Variants in DROSHA observed in about 807,000 individuals in gnomAD.
DROSHA encodes drosha ribonuclease III, also known as ribonuclease 3.
Under a neutral mutation model 181.9 loss-of-function variants are expected in DROSHA, and 56 were observed. That is an observed-to-expected ratio of 0.31 (90% confidence interval 0.25 to 0.38). The LOEUF (loss-of-function observed/expected upper bound fraction) is 0.38. DROSHA is among the 10% of genes least tolerant of loss of function. The probability of loss-of-function intolerance (pLI) is 1.00; values close to 1 mark genes in which losing one functional copy is unlikely to be tolerated. For missense variants in DROSHA, 1,218 were observed against 1,743.5 expected (o/e 0.70, Z 5.37); for synonymous variants, 524 against 591.2 (o/e 0.89, Z 1.65).
chr5:31,402,408 CA>C (rs1256068333), intron 35 of DROSHA, among the ~76,000 whole-genome samples: 1 of 143,260 alleles, frequency 7.0e-6, no homozygotes, highest in Non-Finnish European at 1.5e-5. Flanking sequence ...AGAGAAGGCA[CA>C]GCATACAATC....
At chr5:31,515,386 A>G in intron 7 of DROSHA, 68 bp downstream of exon 7, 1 of 1,024,648 alleles carries the variant, frequency 9.8e-7, no homozygotes, top group Non-Finnish European at 1.4e-6. Flanking sequence ...GTCTGGTGGC[A>G]TCAGAATCAC....
In DROSHA at chr5:31,401,251, C is replaced by T; in HGVS notation, c.*181G>A. ...CGTTAAATAGAAGAAAAATCTAATA[C>T]TTTGTAATAAAGACCATCCAGCTAA... On this transcript the variant is annotated 3_prime_UTR_variant, in exon 36 of 36. Coordinates refer to ENST00000344624, the MANE Select transcript of DROSHA (RefSeq NM_001382508.1). 1 of 799,994 alleles carries T rather than the reference C, an allele frequency of 1.3e-6. No individual in the cohort carries two copies. The highest frequency in any genetic ancestry group is 1.7e-5 in the African/African-American group (1 of 57,758). The allele number at this position is 799,994 out of a possible 1,614,324, so 49.6% of individuals were successfully genotyped here.
chr5:31,486,759 C>T (rs77535143), intron 13 of DROSHA, 197 bp from the exon 14 acceptor site: 5,040 of 490,822 alleles, frequency 0.01, 201 homozygotes, highest in African/African-American at 0.088. Context: ...GGCCTGGCCT[C>T]GCCAAGAAAC....
At chr5:31,488,085 A>G (rs755955087) in intron 13 of DROSHA, among the ~76,000 whole-genome samples, 110 of 152,294 alleles carry the variant, frequency 7.2e-4, no homozygotes, top group Non-Finnish European at 9.8e-4. Flanking sequence ...ATAAAGTATA[A>G]AAGAACCAAA....
At chr5:31,523,534 G>A (rs906105107) in intron 5 of DROSHA, among the ~76,000 whole-genome samples, 5 of 152,060 alleles carry the variant, frequency 3.3e-5, no homozygotes, top group Admixed American at 1.3e-4. Flanking sequence ...AAACAGAGGC[G>A]GAAATACAAC....
chr5:31,412,835 G>A (rs1213112160), intron 30 of DROSHA, among the ~76,000 whole-genome samples: 1 of 152,172 alleles, frequency 6.6e-6, no homozygotes, highest in African/African-American at 2.4e-5. Context: ...TAATTGAGCT[G>A]AAAGTGATAT....
chr5:31,438,567 G>A (rs1745168588), intron 23 of DROSHA, among the ~76,000 whole-genome samples: 1 of 152,062 alleles, frequency 6.6e-6, no homozygotes, highest in African/African-American at 2.4e-5. Flanking sequence ...GGACCAAAAG[G>A]AAAGCAGGTT....
At chr5:31,504,460 T>G in intron 11 of DROSHA, 95 bp downstream of exon 11, 1 of 1,311,902 alleles carries the variant, frequency 7.6e-7, no homozygotes, top group South Asian at 1.3e-5. Flanking sequence ...AGAATTTTGA[T>G]GGTATTATTT....
intron 16 of DROSHA, among the ~76,000 whole-genome samples, chr5:31,482,493 T>G (rs1279827067): frequency 6.6e-6 from 1 of 152,022 alleles, no homozygotes; most frequent in Non-Finnish European, 1.5e-5. Flanking sequence ...GATAATGGAG[T>G]CAAATTCTAG....
intron 24 of DROSHA, 81 bp from the exon 25 acceptor site, chr5:31,435,945 G>T (rs934739802): frequency 7.8e-7 from 1 of 1,286,314 alleles, no homozygotes; most frequent in Non-Finnish European, 1.1e-6. Context: ...AAACAGGGCT[G>T]GCACACAGTA....
chr5:31,498,429 G>A (rs888697679), intron 11 of DROSHA, among the ~76,000 whole-genome samples: 1 of 152,138 alleles, frequency 6.6e-6, no homozygotes, highest in African/African-American at 2.4e-5. Flanking sequence ...AAATTAATCT[G>A]AGAACTAACA....
At position 31,472,046 on chromosome 5, in the gene DROSHA, C is replaced by T; in HGVS notation, c.2241+17G>A. On this transcript the variant is annotated intron_variant, in intron 17 of 35. Transcript: ENST00000344624. ...GAAGGTCCTCCAGCCTCTGAATATA[C>T]AGACACCAGAACATACCGTCCCAGG... is the stretch of plus-strand genomic sequence containing the variant. 6.3e-7 allele frequency: 1 copy of T among 1,595,212 alleles called. No homozygotes were observed. Among genetic ancestry groups the T allele is most frequent in the East Asian group, 2.3e-5 (1 of 43,948 alleles).
intron 5 of DROSHA, 32 bp downstream of exon 5, chr5:31,526,047 G>C: frequency 1.3e-6 from 2 of 1,535,932 alleles, no homozygotes; most frequent in Non-Finnish European, 1.8e-6. Flanking sequence ...GGCCTCTGCA[G>C]TTCATTAAAG....
chr5:31,479,708 T>C (rs922960134), intron 16 of DROSHA, among the ~76,000 whole-genome samples: 1 of 152,152 alleles, frequency 6.6e-6, no homozygotes, highest in African/African-American at 2.4e-5. Flanking sequence ...ATGACATTTA[T>C]ATTCATGTTC....
chr5:31,452,914 T>C (rs1747195181), intron 20 of DROSHA, among the ~76,000 whole-genome samples: 1 of 152,246 alleles, frequency 6.6e-6, no homozygotes, highest in Non-Finnish European at 1.5e-5. Flanking sequence ...CACTTTGCTT[T>C]TATAAGTGCT....
At chr5:31,449,466 G>A in intron 21 of DROSHA, 47 bp from the exon 22 acceptor site, 1 of 1,533,360 alleles carries the variant, frequency 6.5e-7, no homozygotes, top group African/African-American at 1.4e-5. Flanking sequence ...AGCATAAACT[G>A]GGTGCAGTGG....
chr5:31,443,425 TC>T (rs1295003489), intron 23 of DROSHA, among the ~76,000 whole-genome samples: 1 of 152,084 alleles, frequency 6.6e-6, no homozygotes, highest in African/African-American at 2.4e-5. Flanking sequence ...ACTCTTCTGG[TC>T]CCTCCTTCCC....
chr5:31,484,987 T>G, intron 14 of DROSHA, 25 bp from the exon 15 acceptor site: 1 of 1,515,290 alleles, frequency 6.6e-7, no homozygotes, highest in Non-Finnish European at 8.9e-7. Flanking sequence ...AAAATTAAAT[T>G]ACTGTAGTTT....
At position 31,406,853 on chromosome 5, in the gene DROSHA, C is replaced by T; in HGVS notation, c.3947G>A (p.Ser1316Asn). ...GERIGCGKGP[S>N]IQQAEMGAAM... Reference sequence around the variant, plus strand: ...AATTCCAGGTATTCTCTTCTCATACCTTGGTCCTTTCCCACAGCCTATTCT... The same window carrying T: ...AATTCCAGGTATTCTCTTCTCATACTTTGGTCCTTTCCCACAGCCTATTCT... The change falls in exon 34 of 36, where the codon AGT becomes AAT. Residue 1316 changes from serine to asparagine, a missense_variant and splice_region_variant. Ser to Asn is a conservative substitution (Grantham distance 46, BLOSUM62 1). Around this residue, in one of 8 missense-constraint regions of DROSHA, gnomAD observed 48 missense variants for 124.9 expected, o/e 0.38. Transcript: ENST00000344624. 2 of 1,613,304 alleles carry T rather than the reference C, an allele frequency of 1.2e-6. No homozygotes were observed. Among genetic ancestry groups the T allele is most frequent in the Non-Finnish European group, 1.7e-6 (2 of 1,179,462 alleles).
Sources: allele counts gnomAD v4.1 joint callset (sites outside exome capture counted in the v4.1 genomes callset), GRCh38; gene constraint gnomAD v4.1.1; regional missense constraint gnomAD v4.1.1; transcripts MANE v1.5; gene names NCBI Gene and HGNC (gene_info 2026-07-23, HGNC 2026-07-21).